Variants in LOC122539214 observed in about 807,000 individuals in gnomAD.
At chr19:52,680,814 G>C in the LOC122539214 span, among the ~76,000 whole-genome samples, 171 of 149,024 alleles carry the variant, frequency 1.1e-3, 1 homozygote, top group Middle Eastern at 0.024. Context: ...GGGTTTCACC[G>C]TGTTAGCCAG....
the LOC122539214 span, among the ~76,000 whole-genome samples, chr19:52,656,100 C>T: frequency 1.3e-5 from 2 of 152,174 alleles, no homozygotes; most frequent in East Asian, 3.9e-4. Flanking sequence ...CTAGTCCCAG[C>T]TATTTGGGAG....
the LOC122539214 span, among the ~76,000 whole-genome samples, chr19:52,671,548 A>G: frequency 6.6e-6 from 1 of 151,918 alleles, no homozygotes. Context: ...TGCTCAAGCA[A>G]TCCTCCCGCC....
At chr19:52,681,303 C>CAAAAAAAAAAAAAAAAAAAAAAAAAA in the LOC122539214 span, among the ~76,000 whole-genome samples, 1 of 78,288 alleles carries the variant, frequency 1.3e-5, no homozygotes. Context: ...AAAAAAAAAG[C>CAAAAAAAAAAAAAAAAAAAAAAAAAA]AAACGAACAT....
the LOC122539214 span, among the ~76,000 whole-genome samples, chr19:52,677,902 G>A: frequency 6.6e-6 from 1 of 151,880 alleles, no homozygotes; most frequent in Admixed American, 6.6e-5. Flanking sequence ...GGGCATGGTG[G>A]CACGTGCCCA....
the LOC122539214 span, among the ~76,000 whole-genome samples, chr19:52,684,353 G>A: frequency 2.0e-5 from 3 of 151,800 alleles, no homozygotes; most frequent in Non-Finnish European, 4.4e-5. Context: ...GTGACAGAGT[G>A]AGACTCAAAA....
the LOC122539214 span, among the ~76,000 whole-genome samples, chr19:52,681,349 A>C: frequency 8.6e-5 from 13 of 151,624 alleles, no homozygotes; most frequent in East Asian, 2.5e-3. Context: ...TCAACATAAC[A>C]GGTGATATTC....
the LOC122539214 span, chr19:52,651,305 A>G: frequency 3.9e-5 from 6 of 152,252 alleles, no homozygotes; most frequent in Non-Finnish European, 5.9e-5. Flanking sequence ...GAATGGGAAG[A>G]TTCTCACTCT....
the LOC122539214 span, among the ~76,000 whole-genome samples, chr19:52,669,292 C>T: frequency 0.34 from 52,096 of 151,890 alleles, 9,548 homozygotes; most frequent in East Asian, 0.56. Flanking sequence ...CAATTAGAGT[C>T]CCATGGGGAA....
chr19:52,687,546 TTA>T, the LOC122539214 span, among the ~76,000 whole-genome samples: 3 of 39,794 alleles, frequency 7.5e-5, 1 homozygote, highest in South Asian at 2.1e-3. Flanking sequence ...TATATATAAA[TTA>T]TATGTGTAAA....
chr19:52,659,747 G>T, the LOC122539214 span, among the ~76,000 whole-genome samples: 1 of 152,048 alleles, frequency 6.6e-6, no homozygotes. Flanking sequence ...AACACCTTAA[G>T]AATATCCAAC....
chr19:52,654,235 A>G, the LOC122539214 span: 2 of 1,578,518 alleles, frequency 1.3e-6, no homozygotes, highest in South Asian at 2.2e-5. Flanking sequence ...ATTTCTTTTA[A>G]TTTCTTGCCA....
At chr19:52,666,458 T>C in the LOC122539214 span, among the ~76,000 whole-genome samples, 1 of 152,170 alleles carries the variant, frequency 6.6e-6, no homozygotes, top group South Asian at 2.1e-4. Context: ...TGACAACCCA[T>C]AGCTTACCTA....
the LOC122539214 span, among the ~76,000 whole-genome samples, chr19:52,684,109 C>A: frequency 6.6e-5 from 10 of 152,140 alleles, no homozygotes; most frequent in Admixed American, 5.2e-4. Flanking sequence ...GGGCTCATGC[C>A]TGTAATCCTA....
chr19:52,681,303 C>CAAAAAAAAAAAAAAAAAAAA, the LOC122539214 span, among the ~76,000 whole-genome samples: 18 of 78,308 alleles, frequency 2.3e-4, no homozygotes, highest in African/African-American at 4.6e-4. Context: ...AAAAAAAAAG[C>CAAAAAAAAAAAAAAAAAAAA]AAACGAACAT....
the LOC122539214 span, among the ~76,000 whole-genome samples, chr19:52,671,488 G>A: frequency 1.1e-4 from 17 of 151,324 alleles, no homozygotes; most frequent in South Asian, 6.3e-4. Flanking sequence ...CTGTCACCCC[G>A]GCTGGAATGC....
At chr19:52,666,365 G>A in the LOC122539214 span, among the ~76,000 whole-genome samples, 4 of 151,836 alleles carry the variant, frequency 2.6e-5, no homozygotes, top group Non-Finnish European at 5.9e-5. Context: ...ATAATTGAAG[G>A]TCTTCTCCAT....
At chr19:52,672,070 C>A in the LOC122539214 span, among the ~76,000 whole-genome samples, 2 of 151,980 alleles carry the variant, frequency 1.3e-5, no homozygotes, top group South Asian at 4.2e-4. Context: ...CCCATCTGTA[C>A]TAAAAATACA....
the LOC122539214 span, among the ~76,000 whole-genome samples, chr19:52,690,194 A>C: frequency 5.9e-5 from 9 of 151,716 alleles, no homozygotes; most frequent in East Asian, 3.9e-4. Context: ...AAAAAAAAAA[A>C]AAAACAACAA....
At chr19:52,681,280 C>CAAAAAAAA in the LOC122539214 span, among the ~76,000 whole-genome samples, 102 of 75,360 alleles carry the variant, frequency 1.4e-3, 3 homozygotes, top group Middle Eastern at 0.012. Context: ...GAGACTTTCT[C>CAAAAAAAA]AAAAAAAAAA....
Sources: gnomAD v4.1 joint callset for allele counts (sites outside exome capture counted in the v4.1 genomes callset) on GRCh38, gnomAD v4.1.1 for gene constraint, MANE v1.5 for transcripts.